The following USP15 variants were observed in gnomAD, a reference collection of about 807,000 sequenced individuals.
USP15 encodes the protein ubiquitin carboxyl-terminal hydrolase 15.
Under a neutral mutation model 127.1 loss-of-function variants are expected in USP15, and 18 were observed. The ratio of observed to expected loss-of-function variants is 0.14; its 90% confidence interval spans 0.10 to 0.21. The LOEUF is 0.21. Among genes scored for constraint, USP15 ranks in the 10% least tolerant of loss-of-function variants. The pLI is 1.00. For missense variants in USP15, 805 were observed against 1,159.9 expected, an observed-to-expected ratio of 0.69 and a Z score of 4.44; for synonymous variants, 364 against 393.7, an observed-to-expected ratio of 0.92 and a Z score of 0.89.
intron 2 of USP15, among the ~76,000 whole-genome samples, 186 bp from the exon 3 acceptor site, chr12:62,302,604 G>A (rs578037340): frequency 3.2e-4 from 48 of 152,028 alleles, no homozygotes; most frequent in Admixed American, 9.2e-4. Context: ...TATTGTTAGT[G>A]TTACAATTCT....
intron 11 of USP15, among the ~76,000 whole-genome samples, chr12:62,385,311 C>T (rs1008640674): frequency 5.3e-5 from 8 of 151,814 alleles, no homozygotes; most frequent in Non-Finnish European, 1.2e-4. Context: ...CCAAATAGCT[C>T]AGTTTGTTAG....
chr12:62,278,987 G>A (rs1455734849), intron 1 of USP15: 1 of 152,150 alleles, frequency 6.6e-6, no homozygotes, highest in Non-Finnish European at 1.5e-5. Context: ...AAGTTGAACT[G>A]TCTATATCAA....
At chr12:62,384,364 T>TA in intron 11 of USP15, 62 bp downstream of exon 11, 1 of 1,264,548 alleles carries the variant, frequency 7.9e-7, no homozygotes, top group South Asian at 1.5e-5. Context: ...TTATTTTTAT[T>TA]AAAAAATTAG....
chr12:62,279,866 A>G lies in USP15; in HGVS notation c.90-14313A>G, dbSNP rs1375963864. Among the ~76,000 whole-genome samples the G allele has an allele frequency of 2.0e-5, 3 of 152,136 alleles. No homozygotes were observed. The East Asian group carries it at 5.8e-4, about 29-fold the overall frequency. On this transcript the variant is annotated intron_variant, in intron 1 of 21. Transcript: ENST00000280377. ...CATCTTTGCCTATTAGTTTGTAATG[A>G]TGCTTTTGACATATGTCTTCATATA...
At chr12:62,275,464 G>T (rs2063466075) in intron 1 of USP15, among the ~76,000 whole-genome samples, 6 of 151,742 alleles carry the variant, frequency 4.0e-5, no homozygotes, top group Admixed American at 1.3e-4. Flanking sequence ...ATAAAATTAT[G>T]AATCCGTTGG....
In USP15 at chr12:62,414,697, A is replaced by G. The variant is rs1039129633; in HGVS notation, c.*10322A>G. On this transcript the variant is annotated 3_prime_UTR_variant, in exon 22 of 22. Coordinates refer to ENST00000280377, the MANE Select transcript of USP15 (RefSeq NM_001252078.2). Reference sequence around the variant, plus strand: ...TGTCTTTGGCAGCCTATAATGTAGCATCCCATTTTTAAAAATAGAAGTGTG... The same window carrying G: ...TGTCTTTGGCAGCCTATAATGTAGCGTCCCATTTTTAAAAATAGAAGTGTG... 1 of 152,080 alleles carries G rather than the reference A, an allele frequency of 6.6e-6. No homozygotes were observed. Among genetic ancestry groups the G allele is most frequent in the African/African-American group, 2.4e-5 (1 of 41,402 alleles). 9.4% of individuals were successfully genotyped at this position (152,080 alleles called of 1,614,324 possible).
intron 8 of USP15, among the ~76,000 whole-genome samples, chr12:62,360,847 G>A (rs2066292256): frequency 6.6e-6 from 1 of 151,874 alleles, no homozygotes; most frequent in African/African-American, 2.4e-5. Context: ...ACTCAATTAT[G>A]TGAGTTCCTT....
chr12:62,339,233 T>C (rs1337135853), intron 6 of USP15, among the ~76,000 whole-genome samples: 1 of 152,188 alleles, frequency 6.6e-6, no homozygotes, highest in East Asian at 1.9e-4. Context: ...TTTTTGCACG[T>C]TGATTTTGTA....
At position 62,389,669 on chromosome 12, in the gene USP15, G is replaced by T. The variant is rs1006293215; in HGVS notation, c.1622G>T (p.Ser541Ile). 1 of 1,613,160 alleles carries T rather than the reference G, an allele frequency of 6.2e-7. No homozygotes were observed. The highest frequency in any genetic ancestry group is 8.5e-7 in the Non-Finnish European group (1 of 1,179,492). Reference protein sequence around the residue: ...HRIFAMDENLSSIMERDDIYV... With the variant: ...HRIFAMDENLISIMERDDIYV... ...ATATTCGCTATGGATGAAAACCTTA[G>T]TAGTATTATGGAACGGGATGATATT... is the stretch of plus-strand genomic sequence containing the variant. Residue 541 changes from serine to isoleucine, a missense_variant, in exon 13 of 22, where the codon AGT (serine) becomes ATT (isoleucine). Physicochemically the swap from Ser to Ile is moderately radical, Grantham distance 142 (BLOSUM62 -2). Transcript: ENST00000280377.
chr12:62,349,434 C>T (rs933251899), intron 7 of USP15, 127 bp downstream of exon 7: 17 of 499,910 alleles, frequency 3.4e-5, no homozygotes, highest in Admixed American at 4.2e-5. Context: ...TTTAAATTAC[C>T]GGTCAGTTCT....
At chr12:62,282,578 A>G (rs1041445356) in intron 1 of USP15, among the ~76,000 whole-genome samples, 1 of 152,224 alleles carries the variant, frequency 6.6e-6, no homozygotes, top group African/African-American at 2.4e-5. Flanking sequence ...GATTTCAGAA[A>G]TAATTTATAG....
chr12:62,414,897 GAAAC>G lies in USP15; in HGVS notation c.*10525_*10528del, dbSNP rs574888917. ...CTTGTATTAATCAGGATTCTCCAGA[GAAAC>G]AAGACCAATAGGATGCATATGTGTA... On this transcript the variant is annotated 3_prime_UTR_variant, in exon 22 of 22. Coordinates refer to ENST00000280377, the MANE Select transcript of USP15 (RefSeq NM_001252078.2). The G allele has an allele frequency of 1.6e-3, 246 of 151,032 alleles. 3 individuals are homozygous for G. The highest frequency in any genetic ancestry group is 5.7e-3 in the African/African-American group (236 of 41,104). 9.4% of individuals were successfully genotyped at this position (151,032 alleles called of 1,614,324 possible).
intron 1 of USP15, among the ~76,000 whole-genome samples, chr12:62,293,099 C>G (rs2064023093): frequency 6.6e-6 from 1 of 152,140 alleles, no homozygotes; most frequent in Non-Finnish European, 1.5e-5. Flanking sequence ...CAAGAAATCC[C>G]TACCCATACC....
intron 11 of USP15, 68 bp downstream of exon 11, chr12:62,384,370 A>ATTAGTG: frequency 8.3e-7 from 1 of 1,199,492 alleles, no homozygotes; most frequent in Non-Finnish European, 1.1e-6. Context: ...TTATTAAAAA[A>ATTAGTG]TTAGTGTTGA....
chr12:62,395,041 C>G (rs979053776), intron 19 of USP15, among the ~76,000 whole-genome samples: 3 of 152,064 alleles, frequency 2.0e-5, no homozygotes, highest in Non-Finnish European at 4.4e-5. Flanking sequence ...CAGTTACATT[C>G]AAAGGATGTT....
intron 6 of USP15, among the ~76,000 whole-genome samples, chr12:62,346,788 T>A (rs561586192): frequency 6.6e-6 from 1 of 152,340 alleles, no homozygotes; most frequent in East Asian, 1.9e-4. Flanking sequence ...GACCCTTTAT[T>A]ATCATACCTA....
intron 8 of USP15, among the ~76,000 whole-genome samples, chr12:62,361,595 G>A (rs1191382939): frequency 6.6e-6 from 1 of 151,892 alleles, no homozygotes; most frequent in Non-Finnish European, 1.5e-5. Context: ...TTAGGCTGAA[G>A]TATCTTGTAT....
At chr12:62,377,575 C>G (rs2066868784) in intron 8 of USP15, among the ~76,000 whole-genome samples, 1 of 151,588 alleles carries the variant, frequency 6.6e-6, no homozygotes, top group African/African-American at 2.4e-5. Context: ...CAAAAATTAG[C>G]CAGGCATGGT....
At chr12:62,262,663 G>A (rs886429269) in intron 1 of USP15, among the ~76,000 whole-genome samples, 4 of 151,842 alleles carry the variant, frequency 2.6e-5, no homozygotes, top group Non-Finnish European at 5.9e-5. Context: ...ATATATGTGC[G>A]TGTGTGTGTG....
Sources: gnomAD v4.1 joint callset for allele counts (sites outside exome capture counted in the v4.1 genomes callset) on GRCh38, gnomAD v4.1.1 for gene constraint, MANE v1.5 for transcripts, NCBI Gene and HGNC (gene_info 2026-07-23, HGNC 2026-07-21) for gene names.